Variants in NOX4 observed in about 807,000 individuals in gnomAD.
The protein encoded by NOX4 is kidney oxidase-1.
NOX4 carries 69 observed loss-of-function variants against 87.6 expected under a neutral mutation model. That is an observed-to-expected ratio of 0.79 (90% CI 0.65 to 0.96). The LOEUF is 0.96. Among genes scored for constraint, NOX4 ranks in the 40% least tolerant of loss-of-function variants. NOX4 has a pLI of 0.00. For synonymous variants in NOX4, 275 were observed against 238.2 expected, an observed-to-expected ratio of 1.15 and a Z score of -1.42; for missense variants, 680 against 681.5, an observed-to-expected ratio of 1.00 and a Z score of 0.02.
At chr11:89,414,927 TTTCA>T (rs1942679211) in intron 8 of NOX4, among the ~76,000 whole-genome samples, 1 of 151,932 alleles carries the variant, frequency 6.6e-6, no homozygotes, top group African/African-American at 2.4e-5. Flanking sequence ...CATAAATATT[TTTCA>T]TTCATAAGCA....
chr11:89,353,162 A>G (rs1246421432), intron 13 of NOX4, among the ~76,000 whole-genome samples: 11 of 152,258 alleles, frequency 7.2e-5, no homozygotes, highest in Non-Finnish European at 1.6e-4. Context: ...TGCTGAAATG[A>G]CAATTTACTT....
intron 11 of NOX4, among the ~76,000 whole-genome samples, chr11:89,376,837 A>G (rs769575599): frequency 5.9e-5 from 9 of 152,000 alleles, no homozygotes; most frequent in Non-Finnish European, 8.8e-5. Context: ...AGCTGAGATC[A>G]CGCCACTGCA....
the NOX4 span, among the ~76,000 whole-genome samples, chr11:89,585,566 C>T: frequency 2.0e-5 from 3 of 152,110 alleles, no homozygotes; most frequent in African/African-American, 7.2e-5. Context: ...ACAAAAACAG[C>T]CACAGACAAT....
intron 2 of NOX4, among the ~76,000 whole-genome samples, chr11:89,471,393 AGTCAC>A (rs1397006230): frequency 6.6e-6 from 1 of 152,184 alleles, no homozygotes; most frequent in Non-Finnish European, 1.5e-5. Context: ...AACAAAAAAT[AGTCAC>A]GAGACAGATA....
intron 2 of NOX4, among the ~76,000 whole-genome samples, chr11:89,470,368 A>C (rs1945879684): frequency 1.3e-5 from 2 of 152,164 alleles, no homozygotes; most frequent in South Asian, 4.1e-4. Flanking sequence ...CACTCATATG[A>C]TCTAAAGAAT....
chr11:89,426,376 C>G (rs1360184717), intron 7 of NOX4, among the ~76,000 whole-genome samples: 1 of 151,822 alleles, frequency 6.6e-6, no homozygotes, highest in Non-Finnish European at 1.5e-5. Context: ...ACAGTGGGTA[C>G]AGGACAGTGG....
chr11:89,511,748 G>GC, the NOX4 span, among the ~76,000 whole-genome samples: 15,345 of 151,926 alleles, frequency 0.1, 1,093 homozygotes, highest in Admixed American at 0.23. Flanking sequence ...TATTTTTCAG[G>GC]TTTCTTGTTT....
chr11:89,542,801 A>G, the NOX4 span, among the ~76,000 whole-genome samples: 1 of 152,178 alleles, frequency 6.6e-6, no homozygotes, highest in Admixed American at 6.5e-5. Flanking sequence ...TTTCAATTTA[A>G]GACTGAAAAT....
chr11:89,472,419 G>A (rs1200808380), intron 2 of NOX4, among the ~76,000 whole-genome samples: 1 of 151,782 alleles, frequency 6.6e-6, no homozygotes, highest in African/African-American at 2.4e-5. Flanking sequence ...AGAAAAAAAA[G>A]GTGTAATTTT....
intron 8 of NOX4, among the ~76,000 whole-genome samples, chr11:89,405,125 G>T (rs1395467645): frequency 1.6e-5 from 1 of 61,216 alleles, no homozygotes; most frequent in Non-Finnish European, 3.2e-5. Context: ...TTGGAATGGG[G>T]CTGCTTATAA....
At chr11:89,565,420 T>A in the NOX4 span, among the ~76,000 whole-genome samples, 1 of 152,194 alleles carries the variant, frequency 6.6e-6, no homozygotes, top group East Asian at 1.9e-4. Context: ...TATAGATACA[T>A]AATCATGTAT....
chr11:89,584,768 T>C, the NOX4 span, among the ~76,000 whole-genome samples: 2 of 152,134 alleles, frequency 1.3e-5, no homozygotes, highest in African/African-American at 2.4e-5. Context: ...AAAGAATGAC[T>C]AAAGATAGAT....
intron 12 of NOX4, 133 bp downstream of exon 12, chr11:89,373,299 C>CAAAAAAAAAAAAAA (rs933527319): frequency 6.1e-6 from 1 of 162,720 alleles, no homozygotes; most frequent in Non-Finnish European, 1.3e-5. Flanking sequence ...AAAAAAAAAA[C>CAAAAAAAAAAAAAA]AAAAAAAAAC....
At chr11:89,471,811 A>G (rs1056226540) in intron 2 of NOX4, among the ~76,000 whole-genome samples, 1 of 152,146 alleles carries the variant, frequency 6.6e-6, no homozygotes, top group Non-Finnish European at 1.5e-5. Context: ...GTGCAATCTC[A>G]GCTCACTGCA....
intron 2 of NOX4, among the ~76,000 whole-genome samples, chr11:89,483,124 T>G (rs557346555): frequency 6.6e-6 from 1 of 152,222 alleles, no homozygotes; most frequent in East Asian, 1.9e-4. Flanking sequence ...ATTCTACTGT[T>G]GTTACAAGGA....
At chr11:89,464,851 G>T (rs367985276) in intron 2 of NOX4, among the ~76,000 whole-genome samples, 1 of 152,084 alleles carries the variant, frequency 6.6e-6, no homozygotes, top group East Asian at 1.9e-4. Context: ...ACTAAATGCC[G>T]TTTCTCTCCA....
chr11:89,453,877 A>T (rs1435866490), intron 2 of NOX4, among the ~76,000 whole-genome samples: 1 of 152,184 alleles, frequency 6.6e-6, no homozygotes, highest in East Asian at 1.9e-4. Context: ...CAGAAGGCAC[A>T]TATTAGGTAA....
intron 17 of NOX4, among the ~76,000 whole-genome samples, chr11:89,328,113 A>G (rs1468142327): frequency 2.6e-5 from 4 of 152,176 alleles, no homozygotes; most frequent in Non-Finnish European, 5.9e-5. Context: ...TTAAGGCCCA[A>G]ACAGCTGGAA....
the NOX4 span, among the ~76,000 whole-genome samples, chr11:89,506,982 C>T: frequency 6.6e-6 from 1 of 151,824 alleles, no homozygotes. Context: ...AATGAACTCT[C>T]GATACATACT....
Sources: allele counts gnomAD v4.1 joint callset (sites outside exome capture counted in the v4.1 genomes callset), GRCh38; gene constraint gnomAD v4.1.1; transcripts MANE v1.5; gene names NCBI Gene and HGNC (gene_info 2026-07-23, HGNC 2026-07-21).